MED12L: variants seen among roughly 807,000 people sequenced by gnomAD.
MED12L encodes the protein mediator complex subunit 12L.
Under a neutral mutation model 281.3 loss-of-function variants are expected in MED12L, and 60 were observed. That is an observed-to-expected ratio of 0.21 (90% CI 0.17 to 0.26). The LOEUF (loss-of-function observed/expected upper bound fraction) is 0.26, where lower values mean the gene tolerates loss of function less well. Ranked by LOEUF, MED12L falls within the 10% of genes least tolerant of loss-of-function variation. The pLI is 1.00. For synonymous variants in MED12L, 974 were observed against 987.2 expected, an observed-to-expected ratio of 0.99 and a Z score of 0.25; for missense variants, 2,146 against 2,680.9, an observed-to-expected ratio of 0.80 and a Z score of 4.41.
At chr3:151,351,637 C>A (rs887424335) in intron 17 of MED12L, among the ~76,000 whole-genome samples, 1 of 152,138 alleles carries the variant, frequency 6.6e-6, no homozygotes, top group Non-Finnish European at 1.5e-5. Flanking sequence ...AACTAGCTAG[C>A]AAAGAATATT....
intron 11 of MED12L, among the ~76,000 whole-genome samples, chr3:151,172,906 T>C (rs1721607958): frequency 6.6e-6 from 1 of 152,218 alleles, no homozygotes; most frequent in South Asian, 2.1e-4. Flanking sequence ...AACTAGTATT[T>C]TCTTATTTTT....
intron 16 of MED12L, among the ~76,000 whole-genome samples, chr3:151,263,046 C>T (rs925591603): frequency 3.3e-5 from 5 of 151,960 alleles, no homozygotes; most frequent in African/African-American, 1.2e-4. Context: ...ATGACTGTCG[C>T]GTGGGGTGGC....
chr3:151,235,487 T>C (rs1339406190), intron 16 of MED12L, among the ~76,000 whole-genome samples: 2 of 152,082 alleles, frequency 1.3e-5, no homozygotes, highest in East Asian at 3.9e-4. Context: ...GGGCAGATCA[T>C]GAGGTCAGGA....
At chr3:151,404,431 A>G (rs957024748) in intron 39 of MED12L, among the ~76,000 whole-genome samples, 1 of 152,236 alleles carries the variant, frequency 6.6e-6, no homozygotes, top group Non-Finnish European at 1.5e-5. Flanking sequence ...AGTATCAAGC[A>G]TAACTAGCCA....
chr3:151,197,336 G>A (rs998743744), intron 16 of MED12L, among the ~76,000 whole-genome samples: 3 of 152,048 alleles, frequency 2.0e-5, no homozygotes, highest in Non-Finnish European at 4.4e-5. Flanking sequence ...GCTAAATTTT[G>A]TATTTTTAGT....
chr3:151,179,524 G>T (rs1722465960), intron 11 of MED12L, among the ~76,000 whole-genome samples: 1 of 152,192 alleles, frequency 6.6e-6, no homozygotes, highest in African/African-American at 2.4e-5. Context: ...AGCTCCAAAT[G>T]CAGACTATAA....
In MED12L at chr3:151,160,230, T is replaced by C. The variant is rs775747912; in HGVS notation, c.1107+129T>C. 7 of 854,432 alleles carry C rather than the reference T, an allele frequency of 8.2e-6. No homozygotes were observed. The East Asian group carries it at 1.8e-4, about 21-fold the overall frequency. 52.9% of individuals were successfully genotyped at this position (854,432 alleles called of 1,614,324 possible). A position where few individuals can be genotyped will look rare whatever the true frequency, so the allele number is the denominator to read the frequency against. On this transcript the variant is annotated intron_variant, in intron 8 of 44. Coordinates refer to ENST00000687756, the MANE Select transcript of MED12L (RefSeq NM_001393769.1). ...TTTTTTCCTCACCCAAGTAATTTAT[T>C]GATTGAAATTTTATGTTTTTATTTC...
chr3:151,213,543 C>G (rs912376640), intron 16 of MED12L: 1 of 1,614,058 alleles, frequency 6.2e-7, no homozygotes, highest in Non-Finnish European at 8.5e-7. Flanking sequence ...CGGTCTGACT[C>G]TTTGTGTAGG....
chr3:151,426,946 T>C (rs559558953), intron 43 of MED12L, among the ~76,000 whole-genome samples: 3 of 151,972 alleles, frequency 2.0e-5, no homozygotes, highest in South Asian at 2.1e-4. Flanking sequence ...GCCTCCTAAA[T>C]AGCTGAACTA....
intron 2 of MED12L, among the ~76,000 whole-genome samples, chr3:151,099,651 A>C (rs778468130): frequency 6.6e-6 from 1 of 152,196 alleles, no homozygotes; most frequent in East Asian, 1.9e-4. Flanking sequence ...TGTTCTCGAG[A>C]GCTCCAGAGG....
rs1015512230 is a variant in MED12L, at chr3:151,365,783, G to A, written c.3186-67G>A. ...TGTTAGTGAAATATATGTTAATTAA[G>A]TATATCACAGGTGAGTATTTCTCTT... is the stretch of plus-strand genomic sequence containing the variant. On this transcript the variant is annotated intron_variant, in intron 22 of 44. Coordinates refer to ENST00000687756, the MANE Select transcript of MED12L (RefSeq NM_001393769.1). The A allele has an allele frequency of 1.1e-5, 14 of 1,322,330 alleles. No individual in the cohort carries two copies. The African/African-American group carries it at 1.8e-4, about 17-fold the overall frequency. 81.9% of individuals were successfully genotyped at this position (1,322,330 alleles called of 1,614,324 possible).
chr3:151,402,525 G>T (rs1054153381), intron 39 of MED12L, among the ~76,000 whole-genome samples: 1 of 152,128 alleles, frequency 6.6e-6, no homozygotes, highest in East Asian at 1.9e-4. Flanking sequence ...TTAATGTCTT[G>T]TCTGCTTAAT....
chr3:151,116,986 T>C (rs963630787), intron 3 of MED12L, among the ~76,000 whole-genome samples: 3 of 152,168 alleles, frequency 2.0e-5, no homozygotes, highest in Non-Finnish European at 4.4e-5. Context: ...GATATAAATA[T>C]CCTATTCTTC....
chr3:151,109,348 G>T (rs1315998704), intron 2 of MED12L, among the ~76,000 whole-genome samples: 2 of 152,238 alleles, frequency 1.3e-5, no homozygotes, highest in Non-Finnish European at 2.9e-5. Flanking sequence ...TGGGCCGAAG[G>T]TCTGATTTTT....
chr3:151,115,327 CTTTTTTTTTTTTTTTTTTTTT>C (rs66728754), intron 2 of MED12L, among the ~76,000 whole-genome samples: 19 of 60,804 alleles, frequency 3.1e-4, no homozygotes, highest in Admixed American at 1.2e-3. Flanking sequence ...GGAAACAATT[CTTTTTTTTTTTTTTTTTTTTT>C]TTTTTTTTTT....
At chr3:151,090,772 G>A (rs551225986) in intron 2 of MED12L, among the ~76,000 whole-genome samples, 2 of 152,302 alleles carry the variant, frequency 1.3e-5, no homozygotes, top group East Asian at 3.9e-4. Flanking sequence ...AGGCGTGGTG[G>A]CTCATGCCTG....
chr3:151,236,895 C>T (rs1033399460), intron 16 of MED12L, among the ~76,000 whole-genome samples: 10 of 152,072 alleles, frequency 6.6e-5, no homozygotes, highest in Non-Finnish European at 1.3e-4. Flanking sequence ...TGGGGTATTT[C>T]CAGGTTTTTG....
chr3:151,198,590 G>T (rs1328521820), intron 16 of MED12L: 1 of 1,613,986 alleles, frequency 6.2e-7, no homozygotes. Flanking sequence ...AGCCTCTTTG[G>T]CTTTGAAGAG....
Position 151,433,382 on chromosome 3 carries a change from T to G in MED12L, c.*578T>G, listed in dbSNP as rs1401268891. 2 of 152,644 alleles carry G rather than the reference T, an allele frequency of 1.3e-5. No individual in the cohort carries two copies. Among genetic ancestry groups the G allele is most frequent in the African/African-American group, 2.4e-5 (1 of 41,440 alleles). 9.5% of individuals were successfully genotyped at this position (152,644 alleles called of 1,614,324 possible). ...AACTTTGTTCTTATTTATGTAGGAC[T>G]CTTCTTTGCTTTTGTTGTGGTCAAA... On this transcript the variant is annotated 3_prime_UTR_variant, in exon 45 of 45. Coordinates refer to ENST00000687756, the MANE Select transcript of MED12L (RefSeq NM_001393769.1).
Sources: gnomAD v4.1 joint callset for allele counts (sites outside exome capture counted in the v4.1 genomes callset) on GRCh38, gnomAD v4.1.1 for gene constraint, MANE v1.5 for transcripts, NCBI Gene and HGNC (gene_info 2026-07-23, HGNC 2026-07-21) for gene names.